SYT14: variants seen among roughly 807,000 people sequenced by gnomAD.
SYT14 encodes the protein synaptotagmin-14.
In SYT14, 32 loss-of-function variants were observed where a neutral mutation model predicts 74.2. The observed-to-expected ratio is 0.43, with a 90% CI of 0.33 to 0.58. SYT14 has a LOEUF of 0.58. Ranked by LOEUF, SYT14 falls within the 20% of genes least tolerant of loss-of-function variation. The pLI is 0.05. For synonymous variants in SYT14, 298 were observed against 337.7 expected, an observed-to-expected ratio of 0.88 and a Z score of 1.29; for missense variants, 791 against 981.8, an observed-to-expected ratio of 0.81 and a Z score of 2.60.
intron 5 of SYT14, among the ~76,000 whole-genome samples, chr1:210,039,994 C>T (rs1467239035): frequency 2.0e-5 from 3 of 152,074 alleles, no homozygotes; most frequent in Admixed American, 2.0e-4. Context: ...GGATGTAGAA[C>T]CAGAAATACC....
chr1:210,016,358 T>C (rs958552637), exon 4 of SYT14: 1 of 1,231,936 alleles, frequency 8.1e-7, no homozygotes, highest in Non-Finnish European at 1.0e-6. Flanking sequence ...AGAAAGAGTA[T>C]TTAAACATGT....
intron 5 of SYT14, among the ~76,000 whole-genome samples, chr1:210,068,832 A>G (rs926262899): frequency 6.6e-6 from 1 of 151,434 alleles, no homozygotes. Context: ...TTTTTCTTTT[A>G]CTTAGATTTA....
intron 1 of SYT14, among the ~76,000 whole-genome samples, chr1:209,940,799 G>C (rs534440256): frequency 4.6e-5 from 7 of 152,250 alleles, no homozygotes; most frequent in Non-Finnish European, 8.8e-5. Context: ...TGGATGATCT[G>C]TAGTTGTATG....
chr1:210,131,292 T>A (rs1220950245), intron 7 of SYT14, among the ~76,000 whole-genome samples: 1 of 152,178 alleles, frequency 6.6e-6, no homozygotes, highest in Non-Finnish European at 1.5e-5. Flanking sequence ...AATTGACAAG[T>A]TGTTTTCATA....
chr1:209,945,467 G>A (rs2078807789), intron 1 of SYT14, among the ~76,000 whole-genome samples: 1 of 152,154 alleles, frequency 6.6e-6, no homozygotes, highest in Non-Finnish European at 1.5e-5. Context: ...AATTGGTTGG[G>A]GGGAGTTGCA....
chr1:209,987,079 A>C (rs951113805), intron 2 of SYT14, among the ~76,000 whole-genome samples: 1 of 152,208 alleles, frequency 6.6e-6, no homozygotes, highest in Admixed American at 6.5e-5. Context: ...TTGATTGTCC[A>C]TATCAACATC....
intron 2 of SYT14, among the ~76,000 whole-genome samples, chr1:210,004,942 A>C (rs1470626163): frequency 6.6e-6 from 1 of 152,026 alleles, no homozygotes; most frequent in Non-Finnish European, 1.5e-5. Context: ...TGAGAATGCA[A>C]GTGAGTAGAA....
exon 10 of SYT14, chr1:210,165,713 C>T (rs2083448669): frequency 6.6e-6 from 1 of 152,266 alleles, no homozygotes; most frequent in East Asian, 1.9e-4. Context: ...TGTCTCTCTT[C>T]CCCCTAGGTA....
intron 5 of SYT14, among the ~76,000 whole-genome samples, chr1:210,061,609 GT>G (rs2081209453): frequency 6.6e-6 from 1 of 151,824 alleles, no homozygotes; most frequent in South Asian, 2.1e-4. Context: ...CTCAATTTAA[GT>G]TTGATAGACT....
In SYT14 at chr1:209,994,809, A is replaced by G. The variant is rs188694401; in HGVS notation, c.-485-18824A>G. On this transcript the variant is annotated intron_variant, in intron 2 of 9. Coordinates refer to ENST00000637265, the Ensembl canonical transcript of SYT14. ...CAGACCTCTCAGTAGAAACCTCACT[A>G]GCCAGAAGAAATTGGGGGCCTATTT... is the stretch of plus-strand genomic sequence containing the variant. Among the ~76,000 whole-genome samples the G allele has an allele frequency of 4.6e-4, 70 of 152,338 alleles. 1 individual carries two copies. The highest frequency in any genetic ancestry group is 1.3e-3 in the Admixed American group (20 of 15,310).
chr1:210,021,391 T>G, intron 5 of SYT14, 137 bp downstream of exon 4: 1 of 942,928 alleles, frequency 1.1e-6, no homozygotes, highest in Non-Finnish European at 1.6e-6. Flanking sequence ...GGAATGTAAT[T>G]TATTCAAATT....
chr1:210,061,973 G>C (rs1159883542), intron 5 of SYT14, among the ~76,000 whole-genome samples: 1 of 151,606 alleles, frequency 6.6e-6, no homozygotes, highest in African/African-American at 2.4e-5. Context: ...ATAGTGTAAA[G>C]ATCTATTATA....
Position 210,021,327 on chromosome 1 carries a change from A to C in SYT14, c.1312+73A>C, listed in dbSNP as rs1035163949. The C allele has an allele frequency of 1.4e-5, 19 of 1,337,688 alleles. No homozygotes were observed. In the African/African-American group the frequency reaches 2.2e-4, roughly 15 times the overall value. 82.9% of individuals were successfully genotyped at this position (1,337,688 alleles called of 1,614,324 possible). On this transcript the variant is annotated intron_variant, in intron 5 of 9. Coordinates refer to ENST00000637265, the Ensembl canonical transcript of SYT14. ...GATTACTTGTGCCTGAAATTCTAGG[A>C]ATCTGTGGTTGCAGAATAAACAAGA...
At position 210,155,857 on chromosome 1, in the gene SYT14, C is replaced by T; in HGVS notation, c.2171C>T (p.Ala724Val). The stretch of plus-strand genomic sequence containing the variant: ...AATGCCACAACTGGAAGACTATCAG[C>T]AGAAGTGATAAAAGGCAGCCACTTC... The change falls in exon 8 of 10, where the codon GCA (alanine) becomes GTA (valine). Residue 724 changes from alanine to valine, a missense_variant. By Grantham distance (64) the Ala-to-Val change is moderately conservative. Transcript: ENST00000637265. The T allele has an allele frequency of 1.2e-6, 2 of 1,614,044 alleles. No individual in the cohort carries two copies. The highest frequency in any genetic ancestry group is 8.5e-7 in the Non-Finnish European group (1 of 1,179,974).
At chr1:210,102,775 G>A (rs1182954209) in intron 7 of SYT14, among the ~76,000 whole-genome samples, 1 of 151,986 alleles carries the variant, frequency 6.6e-6, no homozygotes, top group Non-Finnish European at 1.5e-5. Flanking sequence ...TGAAACTCCT[G>A]GGCTTAAGTG....
chr1:210,055,539 A>G (rs577925268), intron 5 of SYT14, among the ~76,000 whole-genome samples: 1 of 152,228 alleles, frequency 6.6e-6, no homozygotes, highest in South Asian at 2.1e-4. Flanking sequence ...ATTGTTGGCC[A>G]GACACGGTGG....
chr1:210,015,069 TATC>T (rs72120081), intron 3 of SYT14, among the ~76,000 whole-genome samples: 20,715 of 151,894 alleles, frequency 0.14, 4,396 homozygotes, highest in African/African-American at 0.46. Context: ...TTAATATAAA[TATC>T]ATCTTTAAAT....
chr1:210,100,611 TAGATAGA>T, intron 7 of SYT14, 150 bp downstream of exon 6: 1 of 761,052 alleles, frequency 1.3e-6, no homozygotes, highest in Admixed American at 2.8e-5. Flanking sequence ...AAGCCCTGGA[TAGATAGA>T]TATACTTTTT....
chr1:210,038,953 C>G lies in SYT14; in HGVS notation c.1312+17699C>G, dbSNP rs142818920. Among the ~76,000 whole-genome samples, 946 of 152,190 alleles carry G rather than the reference C, an allele frequency of 6.2e-3. 19 individuals carry two copies. The highest frequency in any genetic ancestry group is 0.021 in the African/African-American group (893 of 41,548). ...CTCTTGTATCTGGATGTCTGAATCT[C>G]TAGCAAGACTAGTGAAGTTTTCCTC... is the stretch of plus-strand genomic sequence containing the variant. On this transcript the variant is annotated intron_variant, in intron 5 of 9. Transcript: ENST00000637265.
Sources: allele counts gnomAD v4.1 joint callset (sites outside exome capture counted in the v4.1 genomes callset), GRCh38; gene constraint gnomAD v4.1.1; transcripts MANE v1.5; gene names NCBI Gene and HGNC (gene_info 2026-07-23, HGNC 2026-07-21).